Variants in CDH4 observed in about 807,000 individuals in gnomAD.
CDH4 encodes cadherin-4.
In CDH4, 33 loss-of-function variants were observed where a neutral mutation model predicts 86.0. The observed-to-expected ratio is 0.38, with a 90% CI of 0.29 to 0.51. The LOEUF (loss-of-function observed/expected upper bound fraction) is 0.51, where lower values mean the gene tolerates loss of function less well. CDH4 is among the 20% of genes least tolerant of loss of function. CDH4 has a pLI of 0.86. For synonymous variants in CDH4, 555 were observed against 549.4 expected, an observed-to-expected ratio of 1.01 and a Z score of -0.14; for missense variants, 1,114 against 1,307.4, an observed-to-expected ratio of 0.85 and a Z score of 2.28.
chr20:61,418,658 T>G lies in CDH4; in HGVS notation c.169+163721T>G, dbSNP rs564167890. 2.5e-3 allele frequency among the ~76,000 whole-genome samples: 375 copies of G among 152,280 alleles called. 3 individuals carry two copies. The highest frequency in any genetic ancestry group is 8.8e-3 in the African/African-American group (364 of 41,546). On this transcript the variant is annotated intron_variant, in intron 2 of 15. Coordinates refer to ENST00000614565, the MANE Select transcript of CDH4 (RefSeq NM_001794.5). Reference sequence around the variant, plus strand: ...GAGGAGTTAGTGTCCTGGAGGGTGCTGTTACAAAGCGCCGTCAGTTGGGCA... The same window carrying G: ...GAGGAGTTAGTGTCCTGGAGGGTGCGGTTACAAAGCGCCGTCAGTTGGGCA...
intron 2 of CDH4, 21 bp downstream of exon 2, chr20:61,254,958 G>A (rs190531849): frequency 5.9e-6 from 8 of 1,365,944 alleles, no homozygotes; most frequent in Non-Finnish European, 8.4e-6. Context: ...GTGTGGAGGG[G>A]TGGGAGTGAA....
chr20:61,742,552 C>T (rs978441833), intron 2 of CDH4, among the ~76,000 whole-genome samples: 1 of 151,850 alleles, frequency 6.6e-6, no homozygotes, highest in African/African-American at 2.4e-5. Flanking sequence ...AGCAAAATTG[C>T]TTGAAAAACC....
intron 6 of CDH4, among the ~76,000 whole-genome samples, chr20:61,869,413 C>T (rs931452671): frequency 1.3e-5 from 2 of 152,254 alleles, no homozygotes; most frequent in Non-Finnish European, 2.9e-5. Context: ...CCCGCAAAGC[C>T]TGACATACAT....
intron 2 of CDH4, among the ~76,000 whole-genome samples, chr20:61,725,839 G>A (rs1399303278): frequency 2.0e-5 from 3 of 152,142 alleles, no homozygotes; most frequent in African/African-American, 7.2e-5. Flanking sequence ...CTCCACCTGA[G>A]CCTTAATTGC....
intron 1 of CDH4, among the ~76,000 whole-genome samples, chr20:61,253,076 G>T (rs1009764491): frequency 2.6e-5 from 4 of 151,610 alleles, no homozygotes; most frequent in African/African-American, 9.7e-5. Context: ...AGGCCTGGGG[G>T]TCCGTCTAGC....
intron 2 of CDH4, among the ~76,000 whole-genome samples, chr20:61,519,573 A>G (rs1374049232): frequency 1.3e-5 from 2 of 152,192 alleles, no homozygotes; most frequent in African/African-American, 2.4e-5. Context: ...CTCCCCAAGG[A>G]GGCTCCCTGG....
At chr20:61,842,960 C>G (rs1439088426) in intron 4 of CDH4, among the ~76,000 whole-genome samples, 1 of 152,192 alleles carries the variant, frequency 6.6e-6, no homozygotes, top group Non-Finnish European at 1.5e-5. Flanking sequence ...TTTTAAAAGC[C>G]TCTAAAAATA....
At chr20:61,689,954 C>A (rs114972976) in intron 2 of CDH4, among the ~76,000 whole-genome samples, 1 of 102,972 alleles carries the variant, frequency 9.7e-6, no homozygotes, top group Non-Finnish European at 1.9e-5. Context: ...GGCTGGGACA[C>A]TGGTTGGTGA....
At chr20:61,783,998 A>G (rs533668922) in intron 4 of CDH4, among the ~76,000 whole-genome samples, 7 of 16,664 alleles carry the variant, frequency 4.2e-4, no homozygotes, top group Non-Finnish European at 8.3e-4. Context: ...TTGTGCCCCC[A>G]GGAGAATGTA....
chr20:61,894,820 TC>T, intron 7 of CDH4, 89 bp from the exon 8 acceptor site: 1 of 1,422,494 alleles, frequency 7.0e-7, no homozygotes, highest in Non-Finnish European at 9.6e-7. Flanking sequence ...GGAACTCCGT[TC>T]CTGTAAACGG....
intron 2 of CDH4, among the ~76,000 whole-genome samples, chr20:61,359,492 C>A (rs559272073): frequency 3.3e-5 from 5 of 152,342 alleles, no homozygotes; most frequent in African/African-American, 1.2e-4. Flanking sequence ...TTCCTTCCCA[C>A]CACCTCCACG....
At chr20:61,348,459 C>T (rs1266431628) in intron 2 of CDH4, among the ~76,000 whole-genome samples, 1 of 152,134 alleles carries the variant, frequency 6.6e-6, no homozygotes, top group Non-Finnish European at 1.5e-5. Context: ...CAGACCATAT[C>T]AATAGGAGAC....
chr20:61,349,407 A>T (rs6028145), intron 2 of CDH4, among the ~76,000 whole-genome samples: 69,350 of 152,124 alleles, frequency 0.46, 16,044 homozygotes, highest in Middle Eastern at 0.61. Context: ...AGCACCAGCT[A>T]ATGTTTGATG....
chr20:61,341,062 ACC>A (rs2084647007), intron 2 of CDH4, among the ~76,000 whole-genome samples: 1 of 151,936 alleles, frequency 6.6e-6, no homozygotes, highest in Non-Finnish European at 1.5e-5. Context: ...ACCCTTCCTC[ACC>A]TCCTTCCCTG....
intron 2 of CDH4, among the ~76,000 whole-genome samples, chr20:61,347,670 C>G (rs572112266): frequency 6.6e-6 from 1 of 152,160 alleles, no homozygotes; most frequent in Non-Finnish European, 1.5e-5. Flanking sequence ...TCAGCTTAGT[C>G]GGGAGATGTA....
At chr20:61,375,391 A>C (rs747716985) in intron 2 of CDH4, among the ~76,000 whole-genome samples, 2 of 150,302 alleles carry the variant, frequency 1.3e-5, no homozygotes, top group Non-Finnish European at 3.0e-5. Flanking sequence ...TGTGGTGATC[A>C]TGGTGATCAT....
At chr20:61,338,902 C>T (rs1169827489) in intron 2 of CDH4, among the ~76,000 whole-genome samples, 1 of 152,042 alleles carries the variant, frequency 6.6e-6, no homozygotes, top group African/African-American at 2.4e-5. Context: ...GAACATGCCT[C>T]CAAAGAGATT....
chr20:61,601,513 G>A (rs886429748), intron 2 of CDH4, among the ~76,000 whole-genome samples: 6 of 152,152 alleles, frequency 3.9e-5, no homozygotes, highest in South Asian at 4.2e-4. Flanking sequence ...GGTGCTCCTC[G>A]TCAGCCCCGG....
intron 6 of CDH4, among the ~76,000 whole-genome samples, chr20:61,856,437 A>C (rs2146119638): frequency 1.2e-5 from 1 of 81,880 alleles, no homozygotes. Context: ...TTCCCCAACC[A>C]CCCTGGGATC....
Sources: allele counts gnomAD v4.1 joint callset (sites outside exome capture counted in the v4.1 genomes callset), GRCh38; gene constraint gnomAD v4.1.1; transcripts MANE v1.5; gene names NCBI Gene and HGNC (gene_info 2026-07-23, HGNC 2026-07-21).